Variants in DCDC2C observed in about 807,000 individuals in gnomAD.
DCDC2C encodes doublecortin domain-containing protein 2C.
Under a neutral mutation model 45.0 loss-of-function variants are expected in DCDC2C, and 44 were observed. The ratio of observed to expected loss-of-function variants is 0.98; its 90% CI spans 0.77 to 1.26. DCDC2C has a LOEUF of 1.26. Ranked by LOEUF, DCDC2C falls within the 50% of genes most tolerant of loss-of-function variation. The probability of loss-of-function intolerance (pLI) is 0.00; values close to 1 mark genes in which losing one functional copy is unlikely to be tolerated. For synonymous variants in DCDC2C, 187 were observed against 178.8 expected (o/e 1.05, Z -0.37); for missense variants, 447 against 468.9 (o/e 0.95, Z 0.43).
chr2:3,732,084 C>T (rs569583501), intron 3 of DCDC2C, among the ~76,000 whole-genome samples: 2 of 152,080 alleles, frequency 1.3e-5, no homozygotes, highest in South Asian at 2.1e-4. Context: ...ACTAGGGAAG[C>T]GCAGGCAGAT....
intron 4 of DCDC2C, among the ~76,000 whole-genome samples, chr2:3,748,067 G>A (rs964607006): frequency 2.6e-5 from 4 of 152,288 alleles, no homozygotes; most frequent in Admixed American, 1.3e-4. Flanking sequence ...CCGGTGGCAG[G>A]GAAGTGCCTG....
intron 10 of DCDC2C, among the ~76,000 whole-genome samples, chr2:3,808,786 G>A (rs766136556): frequency 2.0e-5 from 3 of 152,100 alleles, no homozygotes; most frequent in Admixed American, 6.5e-5. Flanking sequence ...TTTCTCTCAC[G>A]GATTGTGCCT....
chr2:3,767,168 C>T lies in DCDC2C; in HGVS notation c.727-586C>T, dbSNP rs531214842. 1.2e-3 allele frequency among the ~76,000 whole-genome samples: 182 copies of T among 152,350 alleles called. 1 individual carries two copies. Among genetic ancestry groups the T allele is most frequent in the African/African-American group, 4.2e-3 (176 of 41,582 alleles). On this transcript the variant is annotated intron_variant, in intron 6 of 10. Coordinates refer to ENST00000399143, the MANE Select transcript of DCDC2C (RefSeq NM_001287444.2). ...GGACATGTTCATCAGGATGTGACCA[C>T]GTCCTAATTTGAGGAGCAGGTATCT...
intron 6 of DCDC2C, among the ~76,000 whole-genome samples, chr2:3,764,742 G>A (rs767054068): frequency 6.6e-6 from 1 of 152,220 alleles, no homozygotes; most frequent in East Asian, 1.9e-4. Context: ...ATTCTTCAAA[G>A]ATGCCAAGGT....
At chr2:3,804,436 A>T (rs1349292861) in intron 10 of DCDC2C, among the ~76,000 whole-genome samples, 1 of 152,164 alleles carries the variant, frequency 6.6e-6, no homozygotes, top group Admixed American at 6.5e-5. Flanking sequence ...GAAGAGCTCC[A>T]CTTTAAAGAT....
intron 5 of DCDC2C, among the ~76,000 whole-genome samples, chr2:3,753,956 T>G (rs1286704352): frequency 6.6e-6 from 1 of 152,138 alleles, no homozygotes; most frequent in African/African-American, 2.4e-5. Flanking sequence ...GTGCTAATAG[T>G]CCTAATAGCA....
At chr2:3,821,076 G>A (rs1399953897) in intron 10 of DCDC2C, among the ~76,000 whole-genome samples, 1 of 152,264 alleles carries the variant, frequency 6.6e-6, no homozygotes, top group East Asian at 1.9e-4. Context: ...TAGGGATGGG[G>A]CCGTTTTATA....
Position 3,704,036 on chromosome 2 carries a change from CGAGT to C in DCDC2C, c.286_287+2del, listed in dbSNP as rs1667956060. The stretch of plus-strand genomic sequence containing the variant: ...CGGGCCGCGAGCGCTTCAAGGAGCT[CGAGT>C]AAGTGCGCCCGCGCCCCCCACGCGC... On this transcript the variant is annotated splice_donor_variant and coding_sequence_variant, in exon 1 of 11. Transcript: ENST00000399143. LOFTEE classifies it high-confidence loss of function. The C allele has an allele frequency of 7.9e-7, 1 of 1,262,052 alleles. No individual in the cohort carries two copies. The highest frequency in any genetic ancestry group is 2.8e-5 in the South Asian group (1 of 35,436). The allele number at this position is 1,262,052 out of a possible 1,614,324, so 78.2% of individuals were successfully genotyped here. A position where few individuals can be genotyped will look rare whatever the true frequency, so the allele number is the denominator to read the frequency against.
intron 8 of DCDC2C, among the ~76,000 whole-genome samples, chr2:3,771,496 G>A (rs527246421): frequency 6.7e-6 from 1 of 149,850 alleles, no homozygotes; most frequent in Admixed American, 6.7e-5. Context: ...GTGCACATGA[G>A]TGTATTGTTT....
At chr2:3,715,074 A>G (rs1351975688) in intron 2 of DCDC2C, among the ~76,000 whole-genome samples, 1 of 152,374 alleles carries the variant, frequency 6.6e-6, no homozygotes, top group East Asian at 1.9e-4. Flanking sequence ...ATACATGTAT[A>G]TACTCCTAGC....
At chr2:3,798,811 C>A (rs1671031888) in intron 10 of DCDC2C, among the ~76,000 whole-genome samples, 1 of 152,050 alleles carries the variant, frequency 6.6e-6, no homozygotes, top group East Asian at 1.9e-4. Flanking sequence ...ACATTTTTTC[C>A]TTCATTTCAA....
intron 10 of DCDC2C, among the ~76,000 whole-genome samples, chr2:3,826,294 A>G (rs567149334): frequency 1.3e-5 from 2 of 152,184 alleles, no homozygotes; most frequent in African/African-American, 2.4e-5. Flanking sequence ...AAAGTTTTTC[A>G]TGGCTCTTTA....
chr2:3,728,046 T>C (rs940529985), intron 3 of DCDC2C, among the ~76,000 whole-genome samples: 1 of 152,122 alleles, frequency 6.6e-6, no homozygotes, highest in Non-Finnish European at 1.5e-5. Context: ...TTTTAGCGAG[T>C]TTCCAGAGAA....
intron 3 of DCDC2C, among the ~76,000 whole-genome samples, chr2:3,740,226 C>G (rs949108330): frequency 3.3e-5 from 5 of 152,224 alleles, no homozygotes; most frequent in Non-Finnish European, 7.3e-5. Flanking sequence ...AACCAGTCAT[C>G]CATACTTAGA....
intron 2 of DCDC2C, among the ~76,000 whole-genome samples, chr2:3,723,217 A>G (rs2148065473): frequency 6.6e-6 from 1 of 152,318 alleles, no homozygotes; most frequent in South Asian, 2.1e-4. Flanking sequence ...TACTTGGTTG[A>G]ACACGACAAC....
At chr2:3,810,819 C>A (rs905895287) in intron 10 of DCDC2C, among the ~76,000 whole-genome samples, 2 of 152,188 alleles carry the variant, frequency 1.3e-5, no homozygotes, top group Admixed American at 1.3e-4. Context: ...TTTCCTACCA[C>A]CATTTGCTGA....
chr2:3,832,039 C>T (rs1362904704), intron 10 of DCDC2C, among the ~76,000 whole-genome samples: 1 of 152,166 alleles, frequency 6.6e-6, no homozygotes, highest in Non-Finnish European at 1.5e-5. Context: ...ACTTGTGTAT[C>T]TTCATCTGGG....
intron 10 of DCDC2C, among the ~76,000 whole-genome samples, chr2:3,827,116 C>T (rs1489600012): frequency 6.6e-6 from 1 of 152,164 alleles, no homozygotes; most frequent in Admixed American, 6.5e-5. Context: ...CACACCCCAG[C>T]CCATCACCCA....
intron 10 of DCDC2C, among the ~76,000 whole-genome samples, chr2:3,788,100 G>A (rs1320838371): frequency 6.6e-6 from 1 of 152,104 alleles, no homozygotes; most frequent in Non-Finnish European, 1.5e-5. Flanking sequence ...TCACAAATCA[G>A]AATTTAAAAA....
Sources: allele counts gnomAD v4.1 joint callset (sites outside exome capture counted in the v4.1 genomes callset), GRCh38; gene constraint gnomAD v4.1.1; transcripts MANE v1.5; gene names NCBI Gene and HGNC (gene_info 2026-07-23, HGNC 2026-07-21).